Variants in PKN2 observed in about 807,000 individuals in gnomAD.
PKN2 encodes the protein serine/threonine-protein kinase N2.
In PKN2, 38 loss-of-function variants were observed where a neutral mutation model predicts 119.1. The ratio of observed to expected loss-of-function variants is 0.32; its 90% CI spans 0.25 to 0.42. PKN2 has a LOEUF of 0.42. Ranked by LOEUF, PKN2 falls within the 10% of genes least tolerant of loss-of-function variation. The probability of loss-of-function intolerance (pLI) is 1.00; values close to 1 mark genes in which losing one functional copy is unlikely to be tolerated. For missense variants in PKN2, 850 were observed against 1,165.1 expected (o/e 0.73, Z 3.94); for synonymous variants, 390 against 384.9 (o/e 1.01, Z -0.15).
chr1:88,760,218 A>G lies in PKN2; in HGVS notation c.350-4A>G. 2 of 1,488,738 alleles carry G rather than the reference A, an allele frequency of 1.3e-6. No homozygotes were observed. Among genetic ancestry groups the G allele is most frequent in the Non-Finnish European group, 1.8e-6 (2 of 1,084,274 alleles). The allele number at this position is 1,488,738 out of a possible 1,614,324, so 92.2% of individuals were successfully genotyped here. On this transcript the variant is annotated splice_polypyrimidine_tract_variant and splice_region_variant and intron_variant, in intron 2 of 21. Coordinates refer to ENST00000370521, the MANE Select transcript of PKN2 (RefSeq NM_006256.4). ...AAGTAATTTTAACAATATTTTATTTACAGATTGCCCAAGGACTCCAGATAC... is the reference window on the plus strand; with the variant it reads ...AAGTAATTTTAACAATATTTTATTTGCAGATTGCCCAAGGACTCCAGATAC...
chr1:88,783,725 G>A (rs1413872223), intron 6 of PKN2, among the ~76,000 whole-genome samples: 1 of 152,112 alleles, frequency 6.6e-6, no homozygotes, highest in Non-Finnish European at 1.5e-5. Flanking sequence ...TAATGACAAA[G>A]CCATATATCC....
intron 1 of PKN2, among the ~76,000 whole-genome samples, chr1:88,705,133 C>CTT (rs571645923): frequency 7.0e-6 from 1 of 143,026 alleles, no homozygotes; most frequent in Non-Finnish European, 1.5e-5. Context: ...CTTTTCTTTT[C>CTT]TTTTTTTTTT....
At chr1:88,710,186 T>C (rs1667170825) in intron 1 of PKN2, among the ~76,000 whole-genome samples, 1 of 152,168 alleles carries the variant, frequency 6.6e-6, no homozygotes, top group Non-Finnish European at 1.5e-5. Context: ...TGAATCATGA[T>C]ATTATATAAA....
intron 6 of PKN2, among the ~76,000 whole-genome samples, chr1:88,776,233 C>CCTGACA: frequency 7.5e-6 from 1 of 133,432 alleles, no homozygotes; most frequent in Non-Finnish European, 1.6e-5. Flanking sequence ...CCTTGCCCTC[C>CCTGACA]CTGACACTGC....
rs528699668 is a variant in PKN2, at chr1:88,834,316, C to A, written c.*868C>A. 2 of 152,546 alleles carry A rather than the reference C, an allele frequency of 1.3e-5. No individual in the cohort carries two copies. The highest frequency in any genetic ancestry group is 3.9e-4 in the East Asian group (2 of 5,186). The allele number at this position is 152,546 out of a possible 1,614,324, so 9.4% of individuals were successfully genotyped here. On this transcript the variant is annotated 3_prime_UTR_variant, in exon 22 of 22. Transcript: ENST00000370521. ...CCTTTTTTTGGTATTCACTCTACAT[C>A]TGCCAACCTAGTTCACCTTGGTTTT...
At position 88,760,523 on chromosome 1, in the gene PKN2, A is replaced by G. The variant is rs1570589873; in HGVS notation, c.504+147A>G. 1.0e-5 allele frequency: 5 copies of G among 493,702 alleles called. No individual in the cohort carries two copies. The East Asian group carries it at 1.1e-4, about 11-fold the overall frequency. The allele number at this position is 493,702 out of a possible 1,614,324, so 30.6% of individuals were successfully genotyped here. A position where few individuals can be genotyped will look rare whatever the true frequency, so the allele number is the denominator to read the frequency against. ...CTTTGGCAGTCATTTGTGTACATGC[A>G]TGGAGCAGGGGAAATTTGAATTATA... On this transcript the variant is annotated intron_variant, in intron 3 of 21. Transcript: ENST00000370521.
chr1:88,746,843 A>C (rs185761563), intron 2 of PKN2, among the ~76,000 whole-genome samples: 25 of 152,292 alleles, frequency 1.6e-4, no homozygotes, highest in Middle Eastern at 6.8e-3. Context: ...CAAGATATCC[A>C]AACAACTGAA....
At chr1:88,831,272 C>G (rs2100936681) in intron 19 of PKN2, among the ~76,000 whole-genome samples, 1 of 151,782 alleles carries the variant, frequency 6.6e-6, no homozygotes, top group East Asian at 1.9e-4. Context: ...CATATTTTAA[C>G]AAATGTATAG....
chr1:88,728,216 G>T (rs1399062220), intron 1 of PKN2, among the ~76,000 whole-genome samples: 1 of 151,982 alleles, frequency 6.6e-6, no homozygotes, highest in East Asian at 1.9e-4. Flanking sequence ...GTGGGCTGGA[G>T]TGAAGAGATA....
chr1:88,804,962 C>A lies in PKN2; in HGVS notation c.1501+41C>A. 3.2e-6 allele frequency: 3 copies of A among 929,106 alleles called. No individual in the cohort carries two copies. The South Asian group carries it at 4.4e-5, about 14-fold the overall frequency. The allele number at this position is 929,106 out of a possible 1,614,324, so 57.6% of individuals were successfully genotyped here. ...CAAATGCATAGCATTTTGATATTTT[C>A]TTAAACAATCTAATTACCATTTAAA... On this transcript the variant is annotated intron_variant, in intron 10 of 21. Transcript: ENST00000370521.
chr1:88,728,964 G>A (rs1037139316), intron 1 of PKN2, among the ~76,000 whole-genome samples: 4 of 148,652 alleles, frequency 2.7e-5, no homozygotes, highest in Non-Finnish European at 4.4e-5. Flanking sequence ...ACACGATCTC[G>A]GCTCACCACA....
chr1:88,705,655 G>A (rs1212056318), intron 1 of PKN2, among the ~76,000 whole-genome samples: 2 of 152,034 alleles, frequency 1.3e-5, no homozygotes, highest in Non-Finnish European at 1.5e-5. Flanking sequence ...CCGAGATTGT[G>A]CCCCTGCACT....
At chr1:88,692,790 T>G (rs1257700251) in intron 1 of PKN2, among the ~76,000 whole-genome samples, 1 of 152,202 alleles carries the variant, frequency 6.6e-6, no homozygotes, top group Non-Finnish European at 1.5e-5. Flanking sequence ...GTTCCTAACT[T>G]TTTCGCTTTC....
chr1:88,832,821 A>C lies in PKN2; in HGVS notation c.2640A>C (p.Leu880Phe). ...VNDEVRYPRF[L>F]STEAISIMRR... ...ATGAAGTAAGGTATCCAAGGTTCTT[A>C]TCTACAGAAGCCATTTCTATAATGA... Residue 880 changes from leucine to phenylalanine, a missense_variant, in exon 20 of 22, where the codon TTA becomes TTC. Leu to Phe is a conservative substitution (Grantham distance 22, BLOSUM62 0). This residue lies in a region of PKN2 where 95 missense variants were observed against 150.2 expected (regional missense o/e 0.63). Transcript: ENST00000370521. 1 of 1,592,840 alleles carries C rather than the reference A, an allele frequency of 6.3e-7. No individual in the cohort carries two copies. Among genetic ancestry groups the C allele is most frequent in the Non-Finnish European group, 8.6e-7 (1 of 1,163,764 alleles).
intron 1 of PKN2, among the ~76,000 whole-genome samples, chr1:88,727,430 C>T (rs992472020): frequency 1.3e-5 from 2 of 152,148 alleles, no homozygotes; most frequent in African/African-American, 4.8e-5. Flanking sequence ...CTTGGCCTCC[C>T]AAAATGCTGG....
intron 15 of PKN2, among the ~76,000 whole-genome samples, chr1:88,808,481 T>C (rs974585558): frequency 6.6e-6 from 1 of 151,980 alleles, no homozygotes; most frequent in Non-Finnish European, 1.5e-5. Flanking sequence ...TTTTTTTGTA[T>C]TTTTAGTAGA....
intron 3 of PKN2, among the ~76,000 whole-genome samples, chr1:88,765,112 A>G (rs575543496): frequency 6.6e-6 from 1 of 152,000 alleles, no homozygotes; most frequent in Non-Finnish European, 1.5e-5. Flanking sequence ...TATTGCTAGT[A>G]GAGATGGGGT....
At chr1:88,716,882 C>T (rs1433141153) in intron 1 of PKN2, among the ~76,000 whole-genome samples, 2 of 152,150 alleles carry the variant, frequency 1.3e-5, no homozygotes, top group African/African-American at 4.8e-5. Flanking sequence ...GCAGTTTCTT[C>T]CTATCATCGA....
At chr1:88,778,366 G>C (rs1379439973) in intron 6 of PKN2, among the ~76,000 whole-genome samples, 1 of 152,214 alleles carries the variant, frequency 6.6e-6, no homozygotes, top group African/African-American at 2.4e-5. Context: ...CTTTGCAGCT[G>C]GGCCCTGTGC....
Sources: allele counts gnomAD v4.1 joint callset (sites outside exome capture counted in the v4.1 genomes callset), GRCh38; gene constraint gnomAD v4.1.1; regional missense constraint gnomAD v4.1.1; transcripts MANE v1.5; gene names NCBI Gene and HGNC (gene_info 2026-07-23, HGNC 2026-07-21).